Variants in DAZAP2 observed in about 807,000 individuals in gnomAD.
DAZAP2 encodes the protein DAZ-associated protein 2.
DAZAP2 carries 3 observed loss-of-function variants against 16.2 expected under a neutral mutation model. The ratio of observed to expected loss-of-function variants is 0.19; its 90% CI spans 0.08 to 0.48. The LOEUF (loss-of-function observed/expected upper bound fraction) is 0.48. Ranked by LOEUF, DAZAP2 falls within the 20% of genes least tolerant of loss-of-function variation. The pLI is 0.98. For synonymous variants in DAZAP2, 69 were observed against 77.6 expected (o/e 0.89, Z 0.58); for missense variants, 172 against 215.9 (o/e 0.80, Z 1.27).
chr12:51,244,820 C>CTTTT (rs5798164), downstream of DAZAP2: 1,505 of 92,024 alleles, frequency 0.016, 120 homozygotes, highest in African/African-American at 0.058. Context: ...TCCCAGGGTA[C>CTTTT]TTTTTTTTTT....
chr12:51,238,850 A>C lies in DAZAP2; in HGVS notation c.-58A>C, dbSNP rs990812259. 7 of 1,611,928 alleles carry C rather than the reference A, an allele frequency of 4.3e-6. No homozygotes were observed. The African/African-American group carries it at 5.3e-5, about 12-fold the overall frequency. ...TGACACGGAAGTAGCTCCGAACAGG[A>C]AGAGGACGAAAAAAATAACCGTCCG... On this transcript the variant is annotated 5_prime_UTR_variant, in exon 1 of 4. Coordinates refer to ENST00000412716, the MANE Select transcript of DAZAP2 (RefSeq NM_014764.4).
At chr12:51,244,247 G>A (rs1944734383), downstream of DAZAP2, among the ~76,000 whole-genome samples, 1 of 152,148 alleles carries the variant, frequency 6.6e-6, no homozygotes, top group Admixed American at 6.5e-5. Context: ...CACCCGGGCT[G>A]GAGTGCAGTG....
downstream of DAZAP2, chr12:51,246,604 CTGTGTGTGTGTGTG>C (rs59561227): frequency 2.7e-5 from 9 of 338,218 alleles, no homozygotes; most frequent in South Asian, 2.1e-4. Flanking sequence ...TCTTTTATGG[CTGTGTGTGTGTGTG>C]TGTGTGTGTG....
Position 51,243,651 on chromosome 12 carries a change from T to C in DAZAP2, c.*1193T>C, listed in dbSNP as rs1036112856. 8 of 985,758 alleles carry C rather than the reference T, an allele frequency of 8.1e-6. No individual in the cohort carries two copies. Among genetic ancestry groups the C allele is most frequent in the South Asian group, 4.7e-5 (1 of 21,298 alleles). 61.1% of individuals were successfully genotyped at this position (985,758 alleles called of 1,614,324 possible). A position where few individuals can be genotyped will look rare whatever the true frequency, so the allele number is the denominator to read the frequency against. On this transcript the variant is annotated 3_prime_UTR_variant, in exon 4 of 4. Transcript: ENST00000412716. ...GTACATGTGATGTTTGACTGTACCA[T>C]TGACTGTTATGGAAGTTCAGCGTTG...
In DAZAP2 at chr12:51,242,052, G is replaced by A. The variant is rs117436039; in HGVS notation, c.379-278G>A. 8.4e-3 allele frequency among the ~76,000 whole-genome samples: 1,272 copies of A among 152,252 alleles called. 15 individuals are homozygous for A. The highest frequency in any genetic ancestry group is 0.013 in the Non-Finnish European group (899 of 68,022). On this transcript the variant is annotated intron_variant, in intron 3 of 3. Coordinates refer to ENST00000412716, the MANE Select transcript of DAZAP2 (RefSeq NM_014764.4). ...GACAGTGGTTCTCTACCCTCAAAAT[G>A]ACTGTTGGTCTGGTCTGTTCATGTT...
downstream of DAZAP2, chr12:51,245,644 A>T: frequency 3.1e-6 from 1 of 321,618 alleles, no homozygotes; most frequent in Non-Finnish European, 5.9e-6. Flanking sequence ...TCAACCTGTG[A>T]AAAAAGATGA....
At chr12:51,240,759 A>C in intron 2 of DAZAP2, 112 bp from the exon 3 acceptor site, 1 of 1,441,362 alleles carries the variant, frequency 6.9e-7, no homozygotes, top group Non-Finnish European at 9.3e-7. Context: ...AACTTGTATA[A>C]TCTTACAAAA....
chr12:51,246,158 T>C, downstream of DAZAP2: 1 of 1,608,750 alleles, frequency 6.2e-7, no homozygotes, highest in South Asian at 1.1e-5. Flanking sequence ...TGTTTCAGGA[T>C]TGAGGATGTC....
Position 51,241,097 on chromosome 12 carries a change from C to T in DAZAP2, c.359C>T (p.Ala120Val). Residue 120 changes from alanine (A) to valine (V), a missense_variant, in exon 3 of 4, where the codon GCT becomes GTT. Transcript: ENST00000412716. ...YDAGARFGAG[A>V]TAGNIPPPPP... ...GCAGGTGCCAGATTTGGAGCTGGGG[C>T]TACTGCTGGCAACATTCCTGTGAGT... is the stretch of plus-strand genomic sequence containing the variant. The T allele has an allele frequency of 6.2e-7, 1 of 1,614,206 alleles. No individual in the cohort carries two copies. Among genetic ancestry groups the T allele is most frequent in the Non-Finnish European group, 8.5e-7 (1 of 1,180,046 alleles).
At chr12:51,241,930 TAAAAA>T (rs397790864) in intron 3 of DAZAP2, among the ~76,000 whole-genome samples, 5 of 142,166 alleles carry the variant, frequency 3.5e-5, no homozygotes, top group African/African-American at 1.3e-4. Context: ...TCAAAAAAAT[TAAAAA>T]AAAAAAAAAT....
chr12:51,246,604 CTGTGTGTG>C (rs59561227), downstream of DAZAP2: 70 of 338,216 alleles, frequency 2.1e-4, no homozygotes, highest in Middle Eastern at 4.0e-3. Context: ...TCTTTTATGG[CTGTGTGTG>C]TGTGTGTGTG....
chr12:51,240,322 C>A (rs1330915904), intron 1 of DAZAP2, 21 bp from the exon 2 acceptor site: 1 of 1,602,646 alleles, frequency 6.2e-7, no homozygotes, highest in Non-Finnish European at 8.5e-7. Context: ...AGGCAACCTT[C>A]ATTTTTTTCT....
chr12:51,239,104 C>A (rs1218875997), intron 1 of DAZAP2, 184 bp downstream of exon 1: 1 of 820,096 alleles, frequency 1.2e-6, no homozygotes, highest in African/African-American at 1.8e-5. Flanking sequence ...AGCTTGCTGC[C>A]TCCAGGCCCT....
chr12:51,241,120 A>C lies in DAZAP2; in HGVS notation c.378+4A>C. The C allele has an allele frequency of 1.9e-6, 3 of 1,613,720 alleles. No individual in the cohort carries two copies. The highest frequency in any genetic ancestry group is 2.5e-6 in the Non-Finnish European group (3 of 1,179,720). ...GGCTACTGCTGGCAACATTCCTGTG[A>C]GTATGACCTCATCAGAAGAAACTCA... On this transcript the variant is annotated splice_donor_region_variant and intron_variant, in intron 3 of 3. Transcript: ENST00000412716.
In DAZAP2 at chr12:51,243,283, A is replaced by G. The variant is rs1251545836; in HGVS notation, c.*825A>G. 1 of 985,914 alleles carries G rather than the reference A, an allele frequency of 1.0e-6. No homozygotes were observed. Among genetic ancestry groups the G allele is most frequent in the Non-Finnish European group, 1.2e-6 (1 of 829,974 alleles). 61.1% of individuals were successfully genotyped at this position (985,914 alleles called of 1,614,324 possible). On this transcript the variant is annotated 3_prime_UTR_variant, in exon 4 of 4. Coordinates refer to ENST00000412716, the MANE Select transcript of DAZAP2 (RefSeq NM_014764.4). ...AGATGTCGTGCAAACTGTACTGTGA[A>G]CAACAGTTGGTTTAAAATATGAGGG...
chr12:51,238,968 C>T (rs1488118450), intron 1 of DAZAP2, 48 bp downstream of exon 1: 1 of 1,608,392 alleles, frequency 6.2e-7, no homozygotes, highest in Non-Finnish European at 8.5e-7. Context: ...ACTGCTGGCC[C>T]AGAGCGAGCG....
intron 1 of DAZAP2, 60 bp from the exon 2 acceptor site, chr12:51,240,283 C>A: frequency 7.3e-7 from 1 of 1,367,440 alleles, no homozygotes; most frequent in Non-Finnish European, 1.0e-6. Context: ...CCCGATATGA[C>A]CTGCCTCATT....
At chr12:51,241,238 A>C in intron 3 of DAZAP2, 122 bp downstream of exon 3, 1 of 1,448,036 alleles carries the variant, frequency 6.9e-7, no homozygotes, top group Non-Finnish European at 9.3e-7. Context: ...AACTACTGAC[A>C]TCCAATACTC....
Position 51,240,967 on chromosome 12 carries a change from T to C in DAZAP2, c.229T>C (p.Ser77Pro). ...GASLYLPMAQ[S>P]VAVGPLGSTI... ...CTCTCTGTATCTTCCCATGGCCCAG[T>C]CTGTGGCTGTTGGGCCTTTAGGTTC... Residue 77 changes from serine to proline, a missense_variant, in exon 3 of 4, where the codon TCT (serine) becomes CCT (proline). Ser to Pro is a moderately conservative substitution (Grantham distance 74). Coordinates refer to ENST00000412716, the MANE Select transcript of DAZAP2 (RefSeq NM_014764.4). The C allele has an allele frequency of 6.2e-7, 1 of 1,614,216 alleles. No individual in the cohort carries two copies. Among genetic ancestry groups the C allele is most frequent in the East Asian group, 2.2e-5 (1 of 44,880 alleles).
Sources: allele counts gnomAD v4.1 joint callset (sites outside exome capture counted in the v4.1 genomes callset), GRCh38; gene constraint gnomAD v4.1.1; transcripts MANE v1.5; gene names NCBI Gene and HGNC (gene_info 2026-07-23, HGNC 2026-07-21).